Variants in PGGT1B observed in about 807,000 individuals in gnomAD.
The protein encoded by PGGT1B is protein geranylgeranyltransferase type I subunit beta.
Under a neutral mutation model 46.1 loss-of-function variants are expected in PGGT1B, and 30 were observed. The observed-to-expected ratio is 0.65, with a 90% CI of 0.49 to 0.88. The LOEUF is 0.88. Ranked by LOEUF, PGGT1B falls within the 40% of genes least tolerant of loss-of-function variation. The pLI, the probability that PGGT1B is intolerant of heterozygous loss-of-function variation, is 0.00. For synonymous variants in PGGT1B, 170 were observed against 160.0 expected (o/e 1.06, Z -0.47); for missense variants, 376 against 455.9 (o/e 0.82, Z 1.60).
At chr5:115,233,126 G>A (rs1441385966) in intron 5 of PGGT1B, among the ~76,000 whole-genome samples, 1 of 151,806 alleles carries the variant, frequency 6.6e-6, no homozygotes, top group Non-Finnish European at 1.5e-5. Flanking sequence ...CAAATGAAAC[G>A]CTAACACCTA....
chr5:115,245,546 G>C (rs143133862), intron 2 of PGGT1B, among the ~76,000 whole-genome samples: 2 of 152,224 alleles, frequency 1.3e-5, no homozygotes, highest in Non-Finnish European at 2.9e-5. Flanking sequence ...TATACTTCAG[G>C]CTTCTTGTAA....
At chr5:115,259,685 CAAAAAAAAAAAA>C (rs917531364) in intron 1 of PGGT1B, among the ~76,000 whole-genome samples, 9 of 29,472 alleles carry the variant, frequency 3.1e-4, no homozygotes, top group South Asian at 1.3e-3. Context: ...GAGACTGTCT[CAAAAAAAAAAAA>C]AAAAAAAAAA....
chr5:115,237,863 A>T lies in PGGT1B; in HGVS notation c.474T>A (p.Asp158Glu). Residue 158 changes from aspartate (D) to glutamate (E), a missense_variant, in exon 4 of 9, where the codon GAT becomes GAA. Asp to Glu is a conservative substitution (Grantham distance 45). This residue lies in a region of PGGT1B where 222 missense variants were observed against 313.6 expected (regional missense o/e 0.71). Transcript: ENST00000419445. ...TAACAAAGAATCACTCATACCTCCC[A>T]TCTTCCAGCTGAAGGGCTCTCAAGC... ...LAGLRALQLEDGSFCAVPEGS... is the reference protein window; with the variant it reads ...LAGLRALQLEEGSFCAVPEGS... The T allele has an allele frequency of 6.2e-7, 1 of 1,600,490 alleles. No homozygotes were observed. Among genetic ancestry groups the T allele is most frequent in the Non-Finnish European group, 8.5e-7 (1 of 1,176,980 alleles).
chr5:115,245,749 T>G (rs1398869957), intron 2 of PGGT1B, among the ~76,000 whole-genome samples: 1 of 152,196 alleles, frequency 6.6e-6, no homozygotes, highest in East Asian at 1.9e-4. Flanking sequence ...AAAGACTGTA[T>G]ACTGTCATGA....
At chr5:115,222,791 A>G (rs535537703) in intron 6 of PGGT1B, among the ~76,000 whole-genome samples, 11 of 152,378 alleles carry the variant, frequency 7.2e-5, no homozygotes, top group African/African-American at 2.6e-4. Flanking sequence ...TGTAGCCATA[A>G]AAACGGATGA....
chr5:115,227,232 C>G (rs1370827259), intron 6 of PGGT1B, among the ~76,000 whole-genome samples: 1 of 152,140 alleles, frequency 6.6e-6, no homozygotes, highest in African/African-American at 2.4e-5. Context: ...CAAGTGACTT[C>G]TCTGAGTGAA....
chr5:115,257,284 GGGTGGATCA>G (rs1157300934), intron 1 of PGGT1B, among the ~76,000 whole-genome samples: 2 of 152,120 alleles, frequency 1.3e-5, no homozygotes, highest in Non-Finnish European at 2.9e-5. Flanking sequence ...AGGTCAAAGC[GGGTGGATCA>G]ACTGAGGTCA....
intron 7 of PGGT1B, among the ~76,000 whole-genome samples, chr5:115,217,385 A>G (rs1414031296): frequency 6.6e-6 from 1 of 152,110 alleles, no homozygotes; most frequent in East Asian, 1.9e-4. Context: ...TTAAAAAAAG[A>G]GCAAACAAAA....
intron 1 of PGGT1B, among the ~76,000 whole-genome samples, chr5:115,256,166 C>G (rs193076327): frequency 6.6e-5 from 10 of 152,260 alleles, no homozygotes; most frequent in Non-Finnish European, 1.2e-4. Flanking sequence ...TCTTGGTTGT[C>G]ACAGTGGAGG....
In PGGT1B at chr5:115,251,499, G is replaced by A. The variant is rs144349029; in HGVS notation, c.259+1638C>T. ...ACAGACCAAAAAATTGCTCAATTAC[G>A]GAGCCACCAAATAATCCTTAATAGT... On this transcript the variant is annotated intron_variant, in intron 2 of 8. Transcript: ENST00000419445. Among the ~76,000 whole-genome samples, 151 of 152,046 alleles carry A rather than the reference G, an allele frequency of 9.9e-4. 4 individuals are homozygous for A. The highest frequency in any genetic ancestry group is 5.6e-3 in the South Asian group (27 of 4,818).
chr5:115,232,884 G>GA (rs780513314), intron 5 of PGGT1B, among the ~76,000 whole-genome samples: 19 of 151,898 alleles, frequency 1.3e-4, no homozygotes, highest in Non-Finnish European at 2.8e-4. Context: ...GAAGCCCTTT[G>GA]AAAATCAGGT....
chr5:115,212,622 T>G, intron 8 of PGGT1B, 39 bp from the exon 9 acceptor site: 2 of 1,364,792 alleles, frequency 1.5e-6, no homozygotes, highest in African/African-American at 2.9e-5. Flanking sequence ...ATAGGCATTC[T>G]TACTTGTACA....
chr5:115,250,674 A>C (rs749523138), intron 2 of PGGT1B, among the ~76,000 whole-genome samples: 1 of 152,138 alleles, frequency 6.6e-6, no homozygotes, highest in Non-Finnish European at 1.5e-5. Flanking sequence ...AAGTATAATA[A>C]ACATCAGAAA....
At chr5:115,262,595 G>T in intron 1 of PGGT1B, 117 bp downstream of exon 1, 1 of 1,183,068 alleles carries the variant, frequency 8.5e-7, no homozygotes, top group Non-Finnish European at 1.2e-6. Context: ...ACCAGTCAGT[G>T]CCAACTGGGC....
rs1269235000 is a variant in PGGT1B at position 115,253,120 on chromosome 5, G to A, written c.259+17C>T. On this transcript the variant is annotated intron_variant, in intron 2 of 8. Coordinates refer to ENST00000419445, the MANE Select transcript of PGGT1B (RefSeq NM_005023.4). The stretch of plus-strand genomic sequence containing the variant: ...CAACCAGTCACACTAAAAATAAAAT[G>A]CTAAAAACTCACTCACTGTCTTCTG... 6.3e-7 allele frequency: 1 copy of A among 1,597,146 alleles called. No homozygotes were observed. Among genetic ancestry groups the A allele is most frequent in the African/African-American group, 1.4e-5 (1 of 73,992 alleles).
Position 115,212,527 on chromosome 5 carries a change from T to A in PGGT1B, c.1009A>T (p.Ile337Phe). The change falls in exon 9 of 9, where the codon ATT becomes TTT. Residue 337 changes from isoleucine to phenylalanine, a missense_variant. By Grantham distance (21) the Ile-to-Phe change is conservative. Around this residue, in one of 2 missense-constraint regions of PGGT1B, gnomAD observed 222 missense variants for 313.6 expected, o/e 0.71. Coordinates refer to ENST00000419445, the MANE Select transcript of PGGT1B (RefSeq NM_005023.4). Reference protein sequence around the residue: ...CGLSLMEESGICKVHPALNVS... With the variant: ...CGLSLMEESGFCKVHPALNVS... ...TTCAGAGCAGGATGAACTTTACAAA[T>A]TCCACTTTCCTCCATTAGTGACAGG... The A allele has an allele frequency of 6.2e-7, 1 of 1,613,608 alleles. No individual in the cohort carries two copies. Among genetic ancestry groups the A allele is most frequent in the Non-Finnish European group, 8.5e-7 (1 of 1,179,726 alleles).
chr5:115,240,312 T>A (rs971140353), intron 3 of PGGT1B, among the ~76,000 whole-genome samples: 1 of 152,120 alleles, frequency 6.6e-6, no homozygotes, highest in African/African-American at 2.4e-5. Flanking sequence ...GGGGGAAGGA[T>A]CATATTTTAA....
intron 2 of PGGT1B, among the ~76,000 whole-genome samples, chr5:115,244,957 AT>A (rs966178640): frequency 6.6e-6 from 1 of 151,746 alleles, no homozygotes; most frequent in African/African-American, 2.4e-5. Flanking sequence ...CAAAAGGCGT[AT>A]TTTCCTATAT....
chr5:115,250,683 A>G (rs999177772), intron 2 of PGGT1B, among the ~76,000 whole-genome samples: 3 of 152,148 alleles, frequency 2.0e-5, no homozygotes, highest in African/African-American at 7.2e-5. Context: ...AAACATCAGA[A>G]AAGTACTCCT....
Sources: gnomAD v4.1 joint callset for allele counts (sites outside exome capture counted in the v4.1 genomes callset) on GRCh38, gnomAD v4.1.1 for gene constraint, gnomAD v4.1.1 regional missense constraint, MANE v1.5 for transcripts, NCBI Gene and HGNC (gene_info 2026-07-23, HGNC 2026-07-21) for gene names.